Variants in TRPS1 observed in about 807,000 individuals in gnomAD.
TRPS1 encodes zinc finger transcription factor Trps1.
Under a neutral mutation model 101.2 loss-of-function variants are expected in TRPS1, and 6 were observed. That is an observed-to-expected ratio of 0.06 (90% CI 0.03 to 0.12). TRPS1 has a LOEUF of 0.12. Among genes scored for constraint, TRPS1 ranks in the 10% least tolerant of loss-of-function variants. The pLI is 1.00. For missense variants in TRPS1, 1,363 were observed against 1,567.0 expected (o/e 0.87, Z 2.20); for synonymous variants, 578 against 589.8 (o/e 0.98, Z 0.29).
chr8:115,634,237 C>T (rs1289861275), intron 1 of TRPS1, among the ~76,000 whole-genome samples: 1 of 152,132 alleles, frequency 6.6e-6, no homozygotes, highest in East Asian at 1.9e-4. Flanking sequence ...TCCAAGACTA[C>T]AGTCACCTAA....
At chr8:115,658,773 A>C (rs190009292) in intron 1 of TRPS1, among the ~76,000 whole-genome samples, 3 of 152,186 alleles carry the variant, frequency 2.0e-5, no homozygotes, top group African/African-American at 7.2e-5. Context: ...TATGTGTAAC[A>C]CTAAATGTAC....
At chr8:115,571,140 G>C (rs1817193690) in intron 5 of TRPS1, among the ~76,000 whole-genome samples, 1 of 152,072 alleles carries the variant, frequency 6.6e-6, no homozygotes, top group African/African-American at 2.4e-5. Context: ...CTTCAAGTTT[G>C]GAAATAACTA....
chr8:115,510,673 C>A (rs1435851299), intron 5 of TRPS1, among the ~76,000 whole-genome samples: 3 of 151,956 alleles, frequency 2.0e-5, no homozygotes, highest in Non-Finnish European at 4.4e-5. Flanking sequence ...TATTTCACAT[C>A]CTGAAAATAA....
intron 5 of TRPS1, among the ~76,000 whole-genome samples, chr8:115,520,979 G>A (rs1220599210): frequency 6.6e-6 from 1 of 151,760 alleles, no homozygotes; most frequent in Non-Finnish European, 1.5e-5. Flanking sequence ...CAGTTTTGGA[G>A]GTTCCACGCT....
intron 5 of TRPS1, among the ~76,000 whole-genome samples, chr8:115,564,758 G>A (rs1817027736): frequency 6.6e-6 from 1 of 152,054 alleles, no homozygotes; most frequent in Non-Finnish European, 1.5e-5. Context: ...GATGAGGGGA[G>A]CATGTTTATC....
chr8:115,538,250 T>TA (rs1177892421), intron 5 of TRPS1, among the ~76,000 whole-genome samples: 1 of 152,230 alleles, frequency 6.6e-6, no homozygotes, highest in Non-Finnish European at 1.5e-5. Flanking sequence ...TTGTTGTTTA[T>TA]AATTAACTGT....
Position 115,412,224 on chromosome 8 carries a change from TC to T in TRPS1, c.*1798del, listed in dbSNP as rs909556477. On this transcript the variant is annotated 3_prime_UTR_variant, in exon 7 of 7. Coordinates refer to ENST00000395715, the MANE Select transcript of TRPS1 (RefSeq NM_014112.5). ...GAATGAATAAGTGCTACCCTTTTTT[TC>T]CTAAGTAGGCATAAAAATATTTTCA... is the stretch of plus-strand genomic sequence containing the variant. 1 of 152,480 alleles carries T rather than the reference TC, an allele frequency of 6.6e-6. No individual in the cohort carries two copies. Among genetic ancestry groups the T allele is most frequent in the Non-Finnish European group, 1.5e-5 (1 of 67,980 alleles). The allele number at this position is 152,480 out of a possible 1,614,324, so 9.4% of individuals were successfully genotyped here. A position where few individuals can be genotyped will look rare whatever the true frequency, so the allele number is the denominator to read the frequency against.
At chr8:115,444,923 A>T in intron 5 of TRPS1, among the ~76,000 whole-genome samples, 1 of 147,372 alleles carries the variant, frequency 6.8e-6, no homozygotes, top group Non-Finnish European at 1.5e-5. Flanking sequence ...CAATCCACCA[A>T]TGATATCATT....
intron 5 of TRPS1, among the ~76,000 whole-genome samples, chr8:115,517,692 T>C (rs1254265137): frequency 2.0e-5 from 3 of 151,772 alleles, no homozygotes; most frequent in African/African-American, 7.2e-5. Flanking sequence ...GTTGGCATCC[T>C]ACCCATGTTA....
At chr8:115,547,405 G>A (rs898982587) in intron 5 of TRPS1, among the ~76,000 whole-genome samples, 2 of 151,880 alleles carry the variant, frequency 1.3e-5, no homozygotes, top group Non-Finnish European at 2.9e-5. Context: ...TGAGTCTTTA[G>A]CTTTAGCTGG....
chr8:115,472,088 T>C (rs1176531239), intron 5 of TRPS1, among the ~76,000 whole-genome samples: 2 of 152,190 alleles, frequency 1.3e-5, no homozygotes, highest in Admixed American at 6.5e-5. Context: ...CTAGGCAGCC[T>C]CATTGGGGAA....
chr8:115,482,451 G>A (rs1050337154), intron 5 of TRPS1, among the ~76,000 whole-genome samples: 17 of 151,900 alleles, frequency 1.1e-4, no homozygotes, highest in Admixed American at 2.6e-4. Flanking sequence ...CAATTACTAC[G>A]AATATCTAAA....
chr8:115,635,289 AT>A (rs58560471), intron 1 of TRPS1, among the ~76,000 whole-genome samples: 1 of 151,910 alleles, frequency 6.6e-6, no homozygotes, highest in East Asian at 1.9e-4. Context: ...TGATATGAGA[AT>A]TTTTTTTTCC....
chr8:115,658,492 T>G (rs1246355581), intron 1 of TRPS1, among the ~76,000 whole-genome samples: 1 of 152,010 alleles, frequency 6.6e-6, no homozygotes, highest in East Asian at 1.9e-4. Flanking sequence ...TATATACATC[T>G]CTCTTTTAAA....
intron 3 of TRPS1, among the ~76,000 whole-genome samples, chr8:115,610,412 G>C (rs998244530): frequency 6.6e-6 from 1 of 152,132 alleles, no homozygotes; most frequent in Admixed American, 6.5e-5. Context: ...CTAGAATATA[G>C]AGTGTGCTTC....
chr8:115,478,484 G>A (rs1424452035), intron 5 of TRPS1, among the ~76,000 whole-genome samples: 1 of 152,064 alleles, frequency 6.6e-6, no homozygotes, highest in Non-Finnish European at 1.5e-5. Context: ...GAGCACAAAG[G>A]ATACGTTAGA....
intron 5 of TRPS1, among the ~76,000 whole-genome samples, chr8:115,546,212 C>A (rs1044999877): frequency 2.0e-4 from 30 of 151,506 alleles, no homozygotes; most frequent in African/African-American, 6.0e-4. Context: ...AAATTAAATT[C>A]TTGCATTTAA....
chr8:115,559,635 T>C lies in TRPS1; in HGVS notation c.2700+27366A>G, dbSNP rs1816902601. Among the ~76,000 whole-genome samples, 5 of 152,280 alleles carry C rather than the reference T, an allele frequency of 3.3e-5. 1 individual carries two copies. In the South Asian group the frequency reaches 1.0e-3, roughly 32 times the overall value. Reference sequence around the variant, plus strand: ...TGTTTATTGAATGTGTGAATGAATCTAGCTTCATCACATTCGATGCCATAT... The same window carrying C: ...TGTTTATTGAATGTGTGAATGAATCCAGCTTCATCACATTCGATGCCATAT... On this transcript the variant is annotated intron_variant, in intron 5 of 6. Coordinates refer to ENST00000395715, the MANE Select transcript of TRPS1 (RefSeq NM_014112.5).
intron 5 of TRPS1, among the ~76,000 whole-genome samples, chr8:115,558,442 AG>A (rs1443468858): frequency 6.6e-6 from 1 of 152,224 alleles, no homozygotes; most frequent in African/African-American, 2.4e-5. Flanking sequence ...CTAGATAAAG[AG>A]GCTGAGCCAC....
Sources: gnomAD v4.1 joint callset for allele counts (sites outside exome capture counted in the v4.1 genomes callset) on GRCh38, gnomAD v4.1.1 for gene constraint, MANE v1.5 for transcripts, NCBI Gene and HGNC (gene_info 2026-07-23, HGNC 2026-07-21) for gene names.